Variants in ACOT2 observed in about 807,000 individuals in gnomAD.
ACOT2 encodes acyl-coenzyme A thioesterase 2, mitochondrial.
ACOT2 carries 15 observed loss-of-function variants against 20.1 expected under a neutral mutation model. The ratio of observed to expected loss-of-function variants is 0.75; its 90% CI spans 0.50 to 1.15. The LOEUF (loss-of-function observed/expected upper bound fraction) is 1.15, where lower values mean the gene tolerates loss of function less well. Ranked by LOEUF, ACOT2 falls within the 50% of genes most tolerant of loss-of-function variation. ACOT2 has a pLI of 0.00. For synonymous variants in ACOT2, 252 were observed against 268.4 expected (o/e 0.94, Z 0.60); for missense variants, 479 against 615.3 (o/e 0.78, Z 2.34).
chr14:73,574,012 C>A (rs1160010620), intron 2 of ACOT2, among the ~76,000 whole-genome samples: 1 of 150,168 alleles, frequency 6.7e-6, no homozygotes, highest in Non-Finnish European at 1.5e-5. Context: ...AGGCATGAGC[C>A]ACTATGCCCA....
rs1397003361 is a variant in ACOT2, at chr14:73,573,521, C to G, written c.777C>G (p.Pro259=). 6.2e-7 allele frequency: 1 copy of G among 1,613,650 alleles called. No individual in the cohort carries two copies. The highest frequency in any genetic ancestry group is 2.2e-5 in the East Asian group (1 of 44,880). The change falls in exon 2 of 3, where the codon CCC becomes CCG. Residue 259 remains proline, a synonymous_variant. Transcript: ENST00000238651. ...CTTATTATAACTATGAAGACCTCCC[C>G]AAGACCATGGAGACGCTCCATCTGG... is the stretch of plus-strand genomic sequence containing the variant. ...ALAYYNYEDL[P]KTMETLHLEY... is the part of the protein sequence containing the mutation.
Position 73,569,632 on chromosome 14 carries a change from G to T in ACOT2, c.392G>T (p.Gly131Val). 4 of 1,602,408 alleles carry T rather than the reference G, an allele frequency of 2.5e-6. No individual in the cohort carries two copies. The highest frequency in any genetic ancestry group is 2.6e-6 in the Non-Finnish European group (3 of 1,176,140). Residue 131 changes from glycine to valine, a missense_variant, in exon 1 of 3, where the codon GGC (glycine) becomes GTC (valine). By Grantham distance (109) the Gly-to-Val change is moderately radical. Transcript: ENST00000238651. ...ELDLERAPALGGSFAGLEPMG... is the reference protein window; with the variant it reads ...ELDLERAPALVGSFAGLEPMG... ...GACCTGGAGCGCGCGCCCGCGCTGG[G>T]CGGCAGCTTCGCGGGGCTTGAGCCC...
upstream of ACOT2, chr14:73,568,942 C>T (rs1889651004): frequency 2.2e-6 from 1 of 454,078 alleles, no homozygotes; most frequent in East Asian, 3.8e-5. Flanking sequence ...TCAAAACTAA[C>T]TCCAGCTCTG....
chr14:73,569,412 A>T lies in ACOT2; in HGVS notation c.172A>T (p.Arg58Trp), dbSNP rs762887982. Residue 58 changes from arginine (R) to tryptophan (W), a missense_variant, in exon 1 of 3, where the codon AGG becomes TGG. Transcript: ENST00000238651. ...GCTGAGGCAGGTTGGTCAGATCATT[A>T]GGGTTCCTGCTCGGATGGCGGCGAC... ...PQLRQVGQIIRVPARMAATLI... is the reference protein window; with the variant it reads ...PQLRQVGQIIWVPARMAATLI... 5.0e-6 allele frequency: 8 copies of T among 1,613,856 alleles called. No homozygotes were observed. Among genetic ancestry groups the T allele is most frequent in the Non-Finnish European group, 5.9e-6 (7 of 1,179,818 alleles).
Position 73,569,559 on chromosome 14 carries a change from C to G in ACOT2, c.319C>G (p.Leu107Val). 1 of 1,601,914 alleles carries G rather than the reference C, an allele frequency of 6.2e-7. No individual in the cohort carries two copies. Among genetic ancestry groups the G allele is most frequent in the Non-Finnish European group, 8.5e-7 (1 of 1,175,512 alleles). The change falls in exon 1 of 3, where the codon CTT becomes GTT. Residue 107 changes from leucine (L) to valine (V), a missense_variant. This residue lies in a region of ACOT2 where 400 missense variants were observed against 395.5 expected (regional missense o/e 1.01). Transcript: ENST00000238651. ...RASLRDEKGA[L>V]FQAHARYRAD... The stretch of plus-strand genomic sequence containing the variant: ...GTCCCTGCGCGACGAGAAGGGCGCG[C>G]TTTTCCAGGCCCACGCGCGCTACCG...
chr14:73,570,575 A>G, intron 1 of ACOT2, among the ~76,000 whole-genome samples: 1 of 151,252 alleles, frequency 6.6e-6, no homozygotes, highest in East Asian at 1.9e-4. Flanking sequence ...TCTCAAAAAA[A>G]AGACATTGTA....
upstream of ACOT2, among the ~76,000 whole-genome samples, chr14:73,568,831 G>A (rs1889649425): frequency 6.6e-6 from 1 of 152,088 alleles, no homozygotes; most frequent in African/African-American, 2.4e-5. Flanking sequence ...TGATGTGGAG[G>A]ATAGGCATAT....
chr14:73,569,391 A>T lies in ACOT2; in HGVS notation c.151A>T (p.Arg51Trp). 6.2e-7 allele frequency: 1 copy of T among 1,613,960 alleles called. No homozygotes were observed. Among genetic ancestry groups the T allele is most frequent in the Non-Finnish European group, 8.5e-7 (1 of 1,179,796 alleles). The change falls in exon 1 of 3, where the codon AGG becomes TGG. Residue 51 changes from arginine to tryptophan, a missense_variant. Arg to Trp is a moderately radical substitution (Grantham distance 101). Coordinates refer to ENST00000238651, the MANE Select transcript of ACOT2 (RefSeq NM_006821.6). Reference protein sequence around the residue: ...SAQFLGSPQLRQVGQIIRVPA... With the variant: ...SAQFLGSPQLWQVGQIIRVPA... Reference sequence around the variant, plus strand: ...GCAGTTCCTGGGGTCTCCACAGCTGAGGCAGGTTGGTCAGATCATTAGGGT... The same window carrying T: ...GCAGTTCCTGGGGTCTCCACAGCTGTGGCAGGTTGGTCAGATCATTAGGGT...
chr14:73,569,290 C>A lies in ACOT2; in HGVS notation c.50C>A (p.Ser17Tyr). 1 of 1,613,906 alleles carries A rather than the reference C, an allele frequency of 6.2e-7. No homozygotes were observed. The highest frequency in any genetic ancestry group is 8.5e-7 in the Non-Finnish European group (1 of 1,179,778). The change falls in exon 1 of 3, where the codon TCT becomes TAT. Residue 17 changes from serine (S) to tyrosine (Y), a missense_variant. By Grantham distance (144) the Ser-to-Tyr change is moderately radical. Around this residue, in one of 4 missense-constraint regions of ACOT2, gnomAD observed 400 missense variants for 395.5 expected, o/e 1.01. Transcript: ENST00000238651. The stretch of plus-strand genomic sequence containing the variant: ...CACCCCCATTCAGTTGTTCTCAGGT[C>A]TGAATTCAAAATGGCCTCATCTCCT... ...SPHPHSVVLR[S>Y]EFKMASSPAV...
intron 1 of ACOT2, chr14:73,571,606 G>A (rs1214921512): frequency 6.6e-6 from 1 of 150,978 alleles, no homozygotes; most frequent in African/African-American, 2.4e-5. Context: ...GCAGCTCCCT[G>A]AGAAGGGGCG....
rs1359113448 is a variant in ACOT2, at chr14:73,569,345, A to C, written c.105A>C (p.Gln35His). The C allele has an allele frequency of 2.5e-6, 4 of 1,613,836 alleles. No homozygotes were observed. The highest frequency in any genetic ancestry group is 3.4e-6 in the Non-Finnish European group (4 of 1,179,806). ...TCCTTCGAGCGTCCCGGCTGTACCA[A>C]TGGAGCCTGAAGAGTTCGGCGCAGT... ...PAVLRASRLY[Q>H]WSLKSSAQFL... Residue 35 changes from glutamine to histidine, a missense_variant, in exon 1 of 3, where the codon CAA becomes CAC. This residue lies in a region of ACOT2 where 400 missense variants were observed against 395.5 expected (regional missense o/e 1.01). Transcript: ENST00000238651.
chr14:73,569,827 T>G lies in ACOT2; in HGVS notation c.587T>G (p.Val196Gly). Residue 196 changes from valine to glycine, a missense_variant, in exon 1 of 3, where the codon GTG (valine) becomes GGG (glycine). By Grantham distance (109) the Val-to-Gly change is moderately radical. This residue lies in a region of ACOT2 where 400 missense variants were observed against 395.5 expected (regional missense o/e 1.01). Transcript: ENST00000238651. ...RHERYFLPPG[V>G]RREPVRVGRV... ...GAGCGCTACTTCCTCCCGCCCGGGG[T>G]GCGGCGCGAGCCGGTGCGCGTGGGC... 1 of 1,598,324 alleles carries G rather than the reference T, an allele frequency of 6.3e-7. No homozygotes were observed. Among genetic ancestry groups the G allele is most frequent in the Non-Finnish European group, 8.5e-7 (1 of 1,174,044 alleles).
In ACOT2 at chr14:73,569,939, C is replaced by T. The variant is rs1185813116; in HGVS notation, c.643+56C>T. ...CGTTCGCCTTTCACTTTGTGTGTCT[C>T]CCCCGCCCCACGCTTTTCGCTTATG... is the stretch of plus-strand genomic sequence containing the variant. On this transcript the variant is annotated intron_variant, in intron 1 of 2. Transcript: ENST00000238651. 24 of 1,545,852 alleles carry T rather than the reference C, an allele frequency of 1.6e-5. No individual in the cohort carries two copies. The African/African-American group carries it at 2.9e-4, about 19-fold the overall frequency.
rs755214138 is a variant in ACOT2, at chr14:73,569,839, C to G, written c.599C>G (p.Pro200Arg). The change falls in exon 1 of 3, where the codon CCG becomes CGG. Residue 200 changes from proline (P) to arginine (R), a missense_variant. This residue lies in a region of ACOT2 where 400 missense variants were observed against 395.5 expected (regional missense o/e 1.01). Coordinates refer to ENST00000238651, the MANE Select transcript of ACOT2 (RefSeq NM_006821.6). ...CTCCCGCCCGGGGTGCGGCGCGAGC[C>G]GGTGCGCGTGGGCCGGGTGCGAGGC... ...YFLPPGVRRE[P>R]VRVGRVRGTL... is the part of the protein sequence containing the mutation. The G allele has an allele frequency of 1.1e-5, 18 of 1,604,374 alleles. No homozygotes were observed. The highest frequency in any genetic ancestry group is 5.1e-5 in the Admixed American group (3 of 59,318).
Position 73,574,949 on chromosome 14 carries a change from G to T in ACOT2, c.888G>T (p.Gly296=). The T allele has an allele frequency of 6.2e-7, 1 of 1,604,544 alleles. No homozygotes were observed. The highest frequency in any genetic ancestry group is 8.5e-7 in the Non-Finnish European group (1 of 1,175,120). The part of the protein sequence containing the change: ...PGVGLLGISK[G]GELCLSMASF... ...TTGGGCTGCTTGGAATTTCCAAAGG[G>T]GGTGAGCTCTGCCTTTCCATGGCCT... Residue 296 remains glycine, a synonymous_variant, in exon 3 of 3, where the codon GGG becomes GGT. Coordinates refer to ENST00000238651, the MANE Select transcript of ACOT2 (RefSeq NM_006821.6).
chr14:73,572,865 C>T (rs1889792329), intron 1 of ACOT2, among the ~76,000 whole-genome samples: 3 of 150,128 alleles, frequency 2.0e-5, no homozygotes, highest in South Asian at 2.1e-4. Context: ...AGGCTGGTCT[C>T]GAACTCCTGA....
intron 2 of ACOT2, among the ~76,000 whole-genome samples, chr14:73,573,926 A>G (rs945124181): frequency 6.6e-6 from 1 of 151,976 alleles, no homozygotes; most frequent in African/African-American, 2.4e-5. Context: ...GGGGTTTCAC[A>G]ATATTGGTCA....
chr14:73,573,536 G>A lies in ACOT2; in HGVS notation c.792G>A (p.Thr264=), dbSNP rs755486441. The stretch of plus-strand genomic sequence containing the variant: ...AAGACCTCCCCAAGACCATGGAGAC[G>A]CTCCATCTGGAGTACTTTGAAGAAG... The part of the protein sequence containing the change: ...NYEDLPKTME[T]LHLEYFEEAM... Residue 264 remains threonine, a synonymous_variant, in exon 2 of 3, where the codon ACG becomes ACA. Transcript: ENST00000238651. 47 of 1,613,478 alleles carry A rather than the reference G, an allele frequency of 2.9e-5. No homozygotes were observed. The highest frequency in any genetic ancestry group is 4.5e-5 in the East Asian group (2 of 44,886).
At position 73,569,418 on chromosome 14, in the gene ACOT2, C is replaced by G. The variant is rs1338888979; in HGVS notation, c.178C>G (p.Pro60Ala). Residue 60 changes from proline to alanine, a missense_variant, in exon 1 of 3, where the codon CCT becomes GCT. Pro to Ala is a conservative substitution (Grantham distance 27, BLOSUM62 -1). This residue lies in a region of ACOT2 where 400 missense variants were observed against 395.5 expected (regional missense o/e 1.01). Coordinates refer to ENST00000238651, the MANE Select transcript of ACOT2 (RefSeq NM_006821.6). ...GCAGGTTGGTCAGATCATTAGGGTT[C>G]CTGCTCGGATGGCGGCGACGCTGAT... The part of the protein sequence containing the change: ...LRQVGQIIRV[P>A]ARMAATLILE... 6.2e-7 allele frequency: 1 copy of G among 1,613,860 alleles called. No individual in the cohort carries two copies. The highest frequency in any genetic ancestry group is 2.2e-5 in the East Asian group (1 of 44,904).
Sources: gnomAD v4.1 joint callset for allele counts (sites outside exome capture counted in the v4.1 genomes callset) on GRCh38, gnomAD v4.1.1 for gene constraint, gnomAD v4.1.1 regional missense constraint, MANE v1.5 for transcripts, NCBI Gene and HGNC (gene_info 2026-07-23, HGNC 2026-07-21) for gene names.